The following RASGRF2 variants were observed in gnomAD, a reference collection of about 807,000 sequenced individuals.
RASGRF2 encodes Ras protein specific guanine nucleotide releasing factor 2.
In RASGRF2, 76 loss-of-function variants were observed where a neutral mutation model predicts 151.0. The observed-to-expected ratio is 0.50, with a 90% confidence interval of 0.42 to 0.61. The LOEUF (loss-of-function observed/expected upper bound fraction) is 0.61. Ranked by LOEUF, RASGRF2 falls within the 20% of genes least tolerant of loss-of-function variation. The pLI is 0.00. For missense variants in RASGRF2, 1,148 were observed against 1,564.6 expected (o/e 0.73, Z 4.49); for synonymous variants, 504 against 566.5 (o/e 0.89, Z 1.57).
Position 81,089,789 on chromosome 5 carries a change from G to A in RASGRF2, c.1390+2836G>A, listed in dbSNP as rs1030450026. 4.6e-5 allele frequency among the ~76,000 whole-genome samples: 7 copies of A among 152,168 alleles called. No homozygotes were observed. In the South Asian group the frequency reaches 1.2e-3, roughly 27 times the overall value. ...TCTCCTTAAATTGGAGTTAATAGTA[G>A]TAGCTATCTTTTAGGATTGTTGTAA... On this transcript the variant is annotated intron_variant, in intron 9 of 26. Coordinates refer to ENST00000265080, the MANE Select transcript of RASGRF2 (RefSeq NM_006909.3).
intron 1 of RASGRF2, among the ~76,000 whole-genome samples, chr5:80,982,580 C>CTATTATTATTATTATTAT (rs10634471): frequency 0.088 from 11,933 of 135,020 alleles, 638 homozygotes; most frequent in East Asian, 0.16. Context: ...AAATTTGGTT[C>CTATTATTATTATTATTAT]TATTATTATT....
chr5:81,092,684 C>A, intron 9 of RASGRF2, 117 bp from the exon 10 acceptor site: 1 of 911,866 alleles, frequency 1.1e-6, no homozygotes, highest in Non-Finnish European at 1.7e-6. Context: ...GATGATGTGT[C>A]ACATAAATCA....
intron 17 of RASGRF2, among the ~76,000 whole-genome samples, chr5:81,149,393 C>T (rs1453348417): frequency 1.3e-5 from 2 of 151,956 alleles, no homozygotes; most frequent in Non-Finnish European, 2.9e-5. Flanking sequence ...AACCAAACAT[C>T]GTATGTTCTC....
chr5:81,081,998 A>C (rs1471674294), intron 7 of RASGRF2, among the ~76,000 whole-genome samples: 1 of 152,220 alleles, frequency 6.6e-6, no homozygotes, highest in Non-Finnish European at 1.5e-5. Context: ...ATTTATAATG[A>C]AATATATAGT....
At chr5:81,207,631 C>G (rs764096533) in intron 21 of RASGRF2, among the ~76,000 whole-genome samples, 3 of 152,166 alleles carry the variant, frequency 2.0e-5, no homozygotes, top group Non-Finnish European at 4.4e-5. Context: ...CAAAATAATT[C>G]CTGTATGCTG....
At position 81,228,686 on chromosome 5, in the gene RASGRF2, C is replaced by T. The variant is rs1011320398; in HGVS notation, c.*2916C>T. The T allele has an allele frequency of 5.3e-5, 8 of 152,152 alleles. No individual in the cohort carries two copies. The highest frequency in any genetic ancestry group is 5.2e-4 in the Admixed American group (8 of 15,276). The allele number at this position is 152,152 out of a possible 1,614,324, so 9.4% of individuals were successfully genotyped here. On this transcript the variant is annotated 3_prime_UTR_variant, in exon 27 of 27. Coordinates refer to ENST00000265080, the MANE Select transcript of RASGRF2 (RefSeq NM_006909.3). Reference sequence around the variant, plus strand: ...TTGGAGCTTTTAGGGGATGCCTTTTCGTTATTAACTGAGACATCTAGTTTT... The same window carrying T: ...TTGGAGCTTTTAGGGGATGCCTTTTTGTTATTAACTGAGACATCTAGTTTT...
chr5:81,132,966 A>G (rs1232351790), intron 17 of RASGRF2, among the ~76,000 whole-genome samples: 2 of 152,208 alleles, frequency 1.3e-5, no homozygotes, highest in African/African-American at 2.4e-5. Context: ...ACTTCCTGAT[A>G]AATCTGCTTT....
At position 81,067,781 on chromosome 5, in the gene RASGRF2, A is replaced by G. The variant is rs555418913; in HGVS notation, c.396-251A>G. On this transcript the variant is annotated intron_variant, in intron 2 of 26. Transcript: ENST00000265080. ...TTTCTTTTGTACTTTTCCCACTTCT[A>G]TGGTAAGATTTTTTGGGTAGCAAGT... 2.2e-4 allele frequency among the ~76,000 whole-genome samples: 33 copies of G among 152,312 alleles called. No homozygotes were observed. The South Asian group carries it at 4.3e-3, about 20-fold the overall frequency.
At position 81,167,999 on chromosome 5, in the gene RASGRF2, C is replaced by T. The variant is rs1001886063; in HGVS notation, c.2687-12176C>T. On this transcript the variant is annotated intron_variant, in intron 17 of 26. Transcript: ENST00000265080. ...CCCTCTTCTCAGATCTCCACATCCC[C>T]TTGCAGGCTTGGCTGATGATCTTGT... is the stretch of plus-strand genomic sequence containing the variant. Among the ~76,000 whole-genome samples the T allele has an allele frequency of 2.0e-4, 31 of 152,184 alleles. 1 individual carries two copies. Among genetic ancestry groups the T allele is most frequent in the African/African-American group, 7.5e-4 (31 of 41,448 alleles).
At position 81,126,554 on chromosome 5, in the gene RASGRF2, C is replaced by T. The variant is rs1157990215; in HGVS notation, c.2597-520C>T. On this transcript the variant is annotated intron_variant, in intron 16 of 26. Coordinates refer to ENST00000265080, the MANE Select transcript of RASGRF2 (RefSeq NM_006909.3). Reference sequence around the variant, plus strand: ...CATTCTATACTCATTAGCGGTCACTCTCCATTCCCCCTCCAACCCCAGCAG... The same window carrying T: ...CATTCTATACTCATTAGCGGTCACTTTCCATTCCCCCTCCAACCCCAGCAG... Among the ~76,000 whole-genome samples the T allele has an allele frequency of 2.0e-5, 3 of 152,164 alleles. No homozygotes were observed. The East Asian group carries it at 5.8e-4, about 29-fold the overall frequency.
intron 1 of RASGRF2, among the ~76,000 whole-genome samples, chr5:81,036,659 A>G (rs563866484): frequency 6.6e-6 from 1 of 151,984 alleles, no homozygotes; most frequent in Non-Finnish European, 1.5e-5. Context: ...CCTATTCCAG[A>G]TATTTTATCA....
At chr5:81,059,211 C>T (rs1051979505) in intron 2 of RASGRF2, among the ~76,000 whole-genome samples, 1 of 151,220 alleles carries the variant, frequency 6.6e-6, no homozygotes, top group Admixed American at 6.6e-5. Flanking sequence ...GTGAAACCCC[C>T]TCTCTACTAA....
At chr5:81,076,812 A>T (rs983048538) in intron 5 of RASGRF2, among the ~76,000 whole-genome samples, 16 of 152,228 alleles carry the variant, frequency 1.1e-4, no homozygotes, top group African/African-American at 3.6e-4. Context: ...TGTTGTATTA[A>T]TGCTGGGAAG....
At chr5:81,088,915 A>G (rs1055772785) in intron 9 of RASGRF2, among the ~76,000 whole-genome samples, 2 of 152,180 alleles carry the variant, frequency 1.3e-5, no homozygotes, top group Non-Finnish European at 2.9e-5. Flanking sequence ...CTTGTTATGT[A>G]CCACATGTTT....
intron 1 of RASGRF2, among the ~76,000 whole-genome samples, chr5:80,998,938 T>C (rs1204776116): frequency 6.6e-6 from 1 of 152,220 alleles, no homozygotes; most frequent in Non-Finnish European, 1.5e-5. Flanking sequence ...GGTAACGGAC[T>C]CTTGGCCTTT....
At chr5:81,090,520 T>C (rs1018862238) in intron 9 of RASGRF2, among the ~76,000 whole-genome samples, 2 of 152,214 alleles carry the variant, frequency 1.3e-5, no homozygotes, top group Non-Finnish European at 1.5e-5. Flanking sequence ...AAAATCCTCT[T>C]AAAATGCTTT....
intron 12 of RASGRF2, among the ~76,000 whole-genome samples, chr5:81,107,976 T>A (rs972455727): frequency 6.6e-6 from 1 of 152,222 alleles, no homozygotes; most frequent in African/African-American, 2.4e-5. Context: ...ATGGCTGAAA[T>A]ACTAAGTAGA....
chr5:81,076,541 A>G (rs1335918720), intron 5 of RASGRF2, among the ~76,000 whole-genome samples: 3 of 150,664 alleles, frequency 2.0e-5, no homozygotes, highest in Non-Finnish European at 3.0e-5. Context: ...GGATTAGTAC[A>G]TGGACACTTC....
chr5:81,137,631 G>A (rs1290694884), intron 17 of RASGRF2, among the ~76,000 whole-genome samples: 2 of 152,144 alleles, frequency 1.3e-5, no homozygotes, highest in Non-Finnish European at 2.9e-5. Context: ...ACCCTATAAG[G>A]AGGCTATTAG....
Sources: gnomAD v4.1 joint callset for allele counts (sites outside exome capture counted in the v4.1 genomes callset) on GRCh38, gnomAD v4.1.1 for gene constraint, MANE v1.5 for transcripts, NCBI Gene and HGNC (gene_info 2026-07-23, HGNC 2026-07-21) for gene names.